CADPS: variants seen among roughly 807,000 people sequenced by gnomAD.
CADPS encodes the protein calcium-dependent secretion activator 1.
A neutral mutation model predicts 167.3 loss-of-function variants in CADPS; 57 were observed. That is an observed-to-expected ratio of 0.34 (90% CI 0.28 to 0.42). The LOEUF is 0.42. CADPS is among the 20% of genes least tolerant of loss of function. The pLI is 1.00. For synonymous variants in CADPS, 676 were observed against 635.3 expected, an observed-to-expected ratio of 1.06 and a Z score of -0.96; for missense variants, 1,414 against 1,738.1, an observed-to-expected ratio of 0.81 and a Z score of 3.32.
intron 1 of CADPS, among the ~76,000 whole-genome samples, chr3:62,833,251 G>A (rs550982577): frequency 6.6e-6 from 1 of 152,080 alleles, no homozygotes; most frequent in East Asian, 2.0e-4. Flanking sequence ...ACCTCCCCAG[G>A]ATCCTCCAAC....
At chr3:62,702,849 A>G (rs1438471892) in intron 3 of CADPS, among the ~76,000 whole-genome samples, 1 of 152,144 alleles carries the variant, frequency 6.6e-6, no homozygotes. Flanking sequence ...GCAGAGTTCT[A>G]TAGTTAAGCA....
chr3:62,436,165 C>T (rs1420150444), intron 28 of CADPS, among the ~76,000 whole-genome samples: 1 of 152,042 alleles, frequency 6.6e-6, no homozygotes, highest in African/African-American at 2.4e-5. Context: ...GGCTACCTTG[C>T]TTGTACTTCT....
chr3:62,428,233 G>C (rs1217739636), intron 28 of CADPS, among the ~76,000 whole-genome samples: 1 of 146,976 alleles, frequency 6.8e-6, no homozygotes, highest in Non-Finnish European at 1.5e-5. Flanking sequence ...TATTTAAGTT[G>C]AGCCTTCTTT....
At chr3:62,818,676 G>T (rs920543747) in intron 1 of CADPS, among the ~76,000 whole-genome samples, 3 of 152,192 alleles carry the variant, frequency 2.0e-5, no homozygotes, top group African/African-American at 7.2e-5. Flanking sequence ...TTCTCTGCTA[G>T]CTATTTACCT....
At chr3:62,857,405 A>G (rs554356355) in intron 1 of CADPS, among the ~76,000 whole-genome samples, 1 of 152,192 alleles carries the variant, frequency 6.6e-6, no homozygotes, top group East Asian at 1.9e-4. Flanking sequence ...CATATATTTG[A>G]AGAAGTGTAG....
Position 62,612,875 on chromosome 3 carries a change from T to C in CADPS, c.1326-20127A>G, listed in dbSNP as rs72874419. On this transcript the variant is annotated intron_variant, in intron 6 of 29. Transcript: ENST00000383710. Reference sequence around the variant, plus strand: ...AATCCATAGTGAGCACCCAAGGCACTGTTCTGGGCGCTGGCAAGACTCAAA... The same window carrying C: ...AATCCATAGTGAGCACCCAAGGCACCGTTCTGGGCGCTGGCAAGACTCAAA... 7.4e-3 allele frequency among the ~76,000 whole-genome samples: 1,126 copies of C among 152,342 alleles called. 17 individuals carry two copies. The highest frequency in any genetic ancestry group is 0.026 in the African/African-American group (1,077 of 41,578).
intron 22 of CADPS, among the ~76,000 whole-genome samples, chr3:62,480,024 A>G (rs958846803): frequency 6.6e-6 from 1 of 151,564 alleles, no homozygotes; most frequent in Admixed American, 6.6e-5. Flanking sequence ...TTTGACACCC[A>G]TCTGGTTTCA....
intron 20 of CADPS, among the ~76,000 whole-genome samples, chr3:62,491,719 A>T (rs1282115693): frequency 6.6e-6 from 1 of 152,222 alleles, no homozygotes; most frequent in Non-Finnish European, 1.5e-5. Flanking sequence ...ATCTTCTAAA[A>T]GGAAAAACGA....
chr3:62,471,762 G>C (rs2060653059), intron 24 of CADPS, among the ~76,000 whole-genome samples: 1 of 152,092 alleles, frequency 6.6e-6, no homozygotes, highest in Non-Finnish European at 1.5e-5. Context: ...GATTTAAGGG[G>C]AAATAGGTCA....
intron 3 of CADPS, 121 bp from the exon 4 acceptor site, chr3:62,662,515 A>C: frequency 1.3e-6 from 1 of 795,178 alleles, no homozygotes; most frequent in South Asian, 1.6e-5. Context: ...TTAAAAAAAA[A>C]TTCTTATAAC....
chr3:62,627,052 T>C (rs769529007), intron 6 of CADPS, among the ~76,000 whole-genome samples: 2 of 152,156 alleles, frequency 1.3e-5, no homozygotes, highest in Non-Finnish European at 2.9e-5. Context: ...ATCATTAATA[T>C]GTGTATATGA....
chr3:62,829,605 C>G (rs1196227258), intron 1 of CADPS, among the ~76,000 whole-genome samples: 1 of 152,124 alleles, frequency 6.6e-6, no homozygotes, highest in African/African-American at 2.4e-5. Flanking sequence ...TTACTAGACA[C>G]TCTTCCAGGT....
chr3:62,520,936 T>A (rs1257969815), intron 13 of CADPS, among the ~76,000 whole-genome samples: 1 of 152,220 alleles, frequency 6.6e-6, no homozygotes, highest in Non-Finnish European at 1.5e-5. Flanking sequence ...CTATACAGGT[T>A]TAGATAGATC....
Position 62,753,396 on chromosome 3 carries a change from G to A in CADPS, c.888+45C>T. The A allele has an allele frequency of 7.1e-7, 1 of 1,410,876 alleles. No homozygotes were observed. The highest frequency in any genetic ancestry group is 9.8e-7 in the Non-Finnish European group (1 of 1,020,900). 87.4% of individuals were successfully genotyped at this position (1,410,876 alleles called of 1,614,324 possible). On this transcript the variant is annotated intron_variant, in intron 3 of 29. Transcript: ENST00000383710. This position sits in a 1 kb window ranked among gnomAD's most constrained non-coding sequence, Gnocchi z 4.6. The stretch of plus-strand genomic sequence containing the variant: ...AGTATCTCATAGAAGTTGGAATGCA[G>A]CTCTGCTTACCCACAGCTCTAGGCC...
intron 13 of CADPS, among the ~76,000 whole-genome samples, chr3:62,531,520 G>A (rs1227724820): frequency 6.6e-6 from 1 of 151,846 alleles, no homozygotes; most frequent in African/African-American, 2.4e-5. Flanking sequence ...CTAGAAGGAG[G>A]AAAAGCACAG....
At chr3:62,428,375 T>A (rs1480850055) in intron 28 of CADPS, among the ~76,000 whole-genome samples, 1 of 130,968 alleles carries the variant, frequency 7.6e-6, no homozygotes, top group Non-Finnish European at 1.5e-5. Flanking sequence ...GAAAGAGAAG[T>A]AATCAAGGGA....
chr3:62,816,389 T>G (rs1387557891), intron 1 of CADPS, among the ~76,000 whole-genome samples: 1 of 152,122 alleles, frequency 6.6e-6, no homozygotes, highest in African/African-American at 2.4e-5. Context: ...GTGGGTATGT[T>G]ATTATTCTCC....
At chr3:62,435,831 T>A (rs1388786755) in intron 28 of CADPS, among the ~76,000 whole-genome samples, 1 of 152,174 alleles carries the variant, frequency 6.6e-6, no homozygotes, top group Non-Finnish European at 1.5e-5. Context: ...ATGTTACTGA[T>A]GCTATTTTAT....
chr3:62,479,113 G>T (rs2061653748), intron 22 of CADPS, among the ~76,000 whole-genome samples: 1 of 152,214 alleles, frequency 6.6e-6, no homozygotes, highest in Non-Finnish European at 1.5e-5. Context: ...GTGGACAAGG[G>T]ATATTGTCAA....
Sources: gnomAD v4.1 joint callset for allele counts (sites outside exome capture counted in the v4.1 genomes callset) on GRCh38, gnomAD v4.1.1 for gene constraint, Gnocchi (gnomAD v3.1) non-coding constraint, MANE v1.5 for transcripts, NCBI Gene and HGNC (gene_info 2026-07-23, HGNC 2026-07-21) for gene names.